The following ZKSCAN1 variants were observed in gnomAD, a reference collection of about 807,000 sequenced individuals.
The protein encoded by ZKSCAN1 is zinc finger protein with KRAB and SCAN domains 1.
Under a neutral mutation model 51.6 loss-of-function variants are expected in ZKSCAN1, and 14 were observed. The observed-to-expected ratio is 0.27, with a 90% CI of 0.18 to 0.42. The LOEUF is 0.42. Among genes scored for constraint, ZKSCAN1 ranks in the 10% least tolerant of loss-of-function variants. The probability of loss-of-function intolerance (pLI) is 1.00; values close to 1 mark genes in which losing one functional copy is unlikely to be tolerated. For synonymous variants in ZKSCAN1, 263 were observed against 261.5 expected, an observed-to-expected ratio of 1.01 and a Z score of -0.06; for missense variants, 531 against 710.0, an observed-to-expected ratio of 0.75 and a Z score of 2.86.
At chr7:100,029,084 A>C (rs2115900310) in intron 3 of ZKSCAN1, among the ~76,000 whole-genome samples, 1 of 151,308 alleles carries the variant, frequency 6.6e-6, no homozygotes, top group Middle Eastern at 3.4e-3. Context: ...GAATCACTTG[A>C]ACCCGGGAGC....
In ZKSCAN1 at chr7:100,030,369, C is replaced by G; in HGVS notation, c.793C>G (p.Pro265Ala). Reference protein sequence around the residue: ...NRQENYGSAFPQGGENRNENE... With the variant: ...NRQENYGSAFAQGGENRNENE... The stretch of plus-strand genomic sequence containing the variant: ...GCAGGAGAATTATGGGAGCGCATTT[C>G]CCCAGGGTAAGACGGATGCAGGCTT... The change falls in exon 5 of 6, where the codon CCC (proline) becomes GCC (alanine). Residue 265 changes from proline (P) to alanine (A), a missense_variant. Physicochemically the swap from Pro to Ala is conservative, Grantham distance 27. Transcript: ENST00000324306. 6.2e-7 allele frequency: 1 copy of G among 1,613,510 alleles called. No individual in the cohort carries two copies. The highest frequency in any genetic ancestry group is 1.3e-5 in the African/African-American group (1 of 75,018).
intron 3 of ZKSCAN1, among the ~76,000 whole-genome samples, chr7:100,025,494 T>C (rs1008601120): frequency 7.9e-5 from 12 of 152,334 alleles, no homozygotes; most frequent in Admixed American, 7.8e-4. Flanking sequence ...TTGACGGAAA[T>C]ATGTAATACA....
downstream of ZKSCAN1, chr7:100,041,791 CTG>C (rs1165257101): frequency 2.1e-6 from 2 of 959,234 alleles, no homozygotes; most frequent in Non-Finnish European, 2.5e-6. Context: ...AGTTAAAAGA[CTG>C]GAGCTGCAAC....
downstream of ZKSCAN1, among the ~76,000 whole-genome samples, chr7:100,045,210 C>G (rs1404260157): frequency 6.7e-6 from 1 of 150,146 alleles, no homozygotes; most frequent in Admixed American, 6.6e-5. Context: ...AATTCTCGAC[C>G]AGCCTGGGCA....
chr7:100,038,720 G>A lies in ZKSCAN1; in HGVS notation c.*4523G>A. 3 of 985,500 alleles carry A rather than the reference G, an allele frequency of 3.0e-6. No individual in the cohort carries two copies. The highest frequency in any genetic ancestry group is 3.6e-6 in the Non-Finnish European group (3 of 829,996). 61.0% of individuals were successfully genotyped at this position (985,500 alleles called of 1,614,324 possible). Reference sequence around the variant, plus strand: ...CTTAGAAAATTGAGGATAAGGCTGGGCACAGTGGCTCAGGCCTGTAATCCC... The same window carrying A: ...CTTAGAAAATTGAGGATAAGGCTGGACACAGTGGCTCAGGCCTGTAATCCC... On this transcript the variant is annotated 3_prime_UTR_variant, in exon 6 of 6. Coordinates refer to ENST00000324306, the MANE Select transcript of ZKSCAN1 (RefSeq NM_003439.4).
chr7:100,044,425 T>C (rs1262260123), downstream of ZKSCAN1, among the ~76,000 whole-genome samples: 1 of 151,934 alleles, frequency 6.6e-6, no homozygotes, highest in Admixed American at 6.6e-5. Context: ...CCCAGCACTT[T>C]GGGAGGCTGA....
In ZKSCAN1 at chr7:100,035,107, TAGTGAGTACTGAACACCTA is replaced by T. The variant is rs1180129183; in HGVS notation, c.*913_*931del. On this transcript the variant is annotated 3_prime_UTR_variant, in exon 6 of 6. Coordinates refer to ENST00000324306, the MANE Select transcript of ZKSCAN1 (RefSeq NM_003439.4). ...ATCCCTGCCAGCACAGTGCTGGACATAGTGAGTACTGAACACCTAAGAGGCACTCATTCAGACTGACTTC... is the reference window on the plus strand; with the variant it reads ...ATCCCTGCCAGCACAGTGCTGGACATAGAGGCACTCATTCAGACTGACTTC... The T allele has an allele frequency of 6.6e-6, 1 of 152,654 alleles. No individual in the cohort carries two copies. Among genetic ancestry groups the T allele is most frequent in the Non-Finnish European group, 1.5e-5 (1 of 68,052 alleles). 9.5% of individuals were successfully genotyped at this position (152,654 alleles called of 1,614,324 possible). A position where few individuals can be genotyped will look rare whatever the true frequency, so the allele number is the denominator to read the frequency against.
In ZKSCAN1 at chr7:100,040,252, A is replaced by G. The variant is rs1045474692; in HGVS notation, c.*6055A>G. 98 of 985,282 alleles carry G rather than the reference A, an allele frequency of 9.9e-5. No homozygotes were observed. Among genetic ancestry groups the G allele is most frequent in the Admixed American group, 1.8e-4 (3 of 16,248 alleles). The allele number at this position is 985,282 out of a possible 1,614,324, so 61.0% of individuals were successfully genotyped here. On this transcript the variant is annotated 3_prime_UTR_variant, in exon 6 of 6. Transcript: ENST00000324306. ...CCATTTAATAGCGGACACCACCCCA[A>G]TCTCATGTTTTCCTGTTACCCTAAA...
intron 5 of ZKSCAN1, among the ~76,000 whole-genome samples, chr7:100,032,229 T>C (rs1484427917): frequency 1.3e-5 from 2 of 152,254 alleles, no homozygotes; most frequent in Non-Finnish European, 2.9e-5. Context: ...TTTGAACTTA[T>C]GAATAATGTT....
intron 3 of ZKSCAN1, among the ~76,000 whole-genome samples, chr7:100,029,567 A>T (rs1439603534): frequency 1.3e-5 from 2 of 152,150 alleles, no homozygotes; most frequent in Non-Finnish European, 2.9e-5. Flanking sequence ...TGCCACTGGG[A>T]ATGTGACATT....
intron 3 of ZKSCAN1, among the ~76,000 whole-genome samples, chr7:100,026,481 A>G (rs780527477): frequency 9.2e-5 from 14 of 152,264 alleles, no homozygotes; most frequent in Middle Eastern, 6.8e-3. Flanking sequence ...TAATCCCAGC[A>G]CTTCGGGAGT....
rs184051052 is a variant in ZKSCAN1 at position 100,033,957 on chromosome 7, G to T, written c.1452G>T (p.Thr484=). ...SDLTKHQRIH[T]GEKPYECSEC... ...TCACCAAGCATCAGAGAATTCACACGGGGGAGAAACCCTATGAATGTAGTG... is the reference window on the plus strand; with the variant it reads ...TCACCAAGCATCAGAGAATTCACACTGGGGAGAAACCCTATGAATGTAGTG... The change falls in exon 6 of 6, where the codon ACG becomes ACT. Residue 484 remains threonine (T), a synonymous_variant. Coordinates refer to ENST00000324306, the MANE Select transcript of ZKSCAN1 (RefSeq NM_003439.4). This position sits in a 1 kb window ranked among gnomAD's most constrained non-coding sequence, Gnocchi z 4.1. 8 of 1,613,956 alleles carry T rather than the reference G, an allele frequency of 5.0e-6. No homozygotes were observed. Among genetic ancestry groups the T allele is most frequent in the African/African-American group, 1.3e-5 (1 of 74,890 alleles).
Position 100,033,165 on chromosome 7 carries a change from C to CT in ZKSCAN1, c.800-139dup. Reference sequence around the variant, plus strand: ...CCAGCCTGGGCGACAGAGCGAGACTCTGTCTCAAAGGAAATAAAAATAAAA... The same window carrying CT: ...CCAGCCTGGGCGACAGAGCGAGACTCTTGTCTCAAAGGAAATAAAAATAAAA... On this transcript the variant is annotated intron_variant, in intron 5 of 5. Coordinates refer to ENST00000324306, the MANE Select transcript of ZKSCAN1 (RefSeq NM_003439.4). The surrounding 1 kb of genome is among the most constrained non-coding windows in gnomAD (Gnocchi z 4.1). 1.4e-6 allele frequency: 2 copies of CT among 1,390,178 alleles called. No individual in the cohort carries two copies. Among genetic ancestry groups the CT allele is most frequent in the Non-Finnish European group, 1.9e-6 (2 of 1,061,038 alleles). 86.1% of individuals were successfully genotyped at this position (1,390,178 alleles called of 1,614,324 possible).
rs1188262980 is a variant in ZKSCAN1, at chr7:100,041,045, T to C, written c.*6848T>C. On this transcript the variant is annotated 3_prime_UTR_variant, in exon 6 of 6. Coordinates refer to ENST00000324306, the MANE Select transcript of ZKSCAN1 (RefSeq NM_003439.4). ...ATGAACATATGTATTTTTATTAACT[T>C]TTAGTTAAATACAGATTTTACAACG... 1 of 977,600 alleles carries C rather than the reference T, an allele frequency of 1.0e-6. No homozygotes were observed. The highest frequency in any genetic ancestry group is 6.2e-5 in the Admixed American group (1 of 16,242). The allele number at this position is 977,600 out of a possible 1,614,324, so 60.6% of individuals were successfully genotyped here.
chr7:100,020,568 A>G (rs1790548177), intron 1 of ZKSCAN1, among the ~76,000 whole-genome samples: 1 of 152,182 alleles, frequency 6.6e-6, no homozygotes, highest in Non-Finnish European at 1.5e-5. Context: ...AGGCAGGAGA[A>G]TTACTTGAAC....
Position 100,032,939 on chromosome 7 carries a change from C to T in ZKSCAN1, c.800-366C>T, listed in dbSNP as rs961260108. Among the ~76,000 whole-genome samples the T allele has an allele frequency of 8.6e-5, 13 of 151,132 alleles. 1 individual carries two copies. In the South Asian group the frequency reaches 1.0e-3, roughly 12 times the overall value. On this transcript the variant is annotated intron_variant, in intron 5 of 5. Coordinates refer to ENST00000324306, the MANE Select transcript of ZKSCAN1 (RefSeq NM_003439.4). ...AGGAGAATGGCGTCAACCTGGGAGG[C>T]GGAGCTTGCAGTGAGCCGAGATCAC...
intron 1 of ZKSCAN1, among the ~76,000 whole-genome samples, chr7:100,020,102 T>C (rs1398295227): frequency 6.6e-6 from 1 of 152,180 alleles, no homozygotes; most frequent in African/African-American, 2.4e-5. Flanking sequence ...TAGAAAGCAC[T>C]CAGTAAACAT....
rs1791232019 is a variant in ZKSCAN1, at chr7:100,034,023, G to C, written c.1518G>C (p.Leu506Phe). Reference protein sequence around the residue: ...KAFNRNSYLILHRRIHTREKP... With the variant: ...KAFNRNSYLIFHRRIHTREKP... Reference sequence around the variant, plus strand: ...TCAACCGAAACTCATACCTGATTTTGCATCGGAGAATTCACACTCGAGAAA... The same window carrying C: ...TCAACCGAAACTCATACCTGATTTTCCATCGGAGAATTCACACTCGAGAAA... The change falls in exon 6 of 6, where the codon TTG (leucine) becomes TTC (phenylalanine). Residue 506 changes from leucine (L) to phenylalanine (F), a missense_variant. Leu to Phe is a conservative substitution (Grantham distance 22). Around this residue, in one of 2 missense-constraint regions of ZKSCAN1, gnomAD observed 128 missense variants for 219.5 expected, o/e 0.58. Transcript: ENST00000324306. 1 of 1,614,168 alleles carries C rather than the reference G, an allele frequency of 6.2e-7. No individual in the cohort carries two copies. The highest frequency in any genetic ancestry group is 8.5e-7 in the Non-Finnish European group (1 of 1,180,032).
chr7:100,020,503 G>A (rs1790545910), intron 1 of ZKSCAN1, among the ~76,000 whole-genome samples: 1 of 151,984 alleles, frequency 6.6e-6, no homozygotes, highest in African/African-American at 2.4e-5. Context: ...GGACTTCATG[G>A]AACTAGATTA....
Sources: allele counts gnomAD v4.1 joint callset (sites outside exome capture counted in the v4.1 genomes callset), GRCh38; gene constraint gnomAD v4.1.1; regional missense constraint gnomAD v4.1.1; non-coding constraint Gnocchi (gnomAD v3.1); transcripts MANE v1.5; gene names NCBI Gene and HGNC (gene_info 2026-07-23, HGNC 2026-07-21).